Variants in RELCH observed in about 807,000 individuals in gnomAD.
RELCH encodes the protein RAB11 binding and LisH domain, coiled-coil and HEAT repeat containing.
RELCH carries 41 observed loss-of-function variants against 150.3 expected under a neutral mutation model. That is an observed-to-expected ratio of 0.27 (90% CI 0.21 to 0.35). The LOEUF (loss-of-function observed/expected upper bound fraction) is 0.35, where lower values mean the gene tolerates loss of function less well. Ranked by LOEUF, RELCH falls within the 10% of genes least tolerant of loss-of-function variation. The pLI, the probability that RELCH is intolerant of heterozygous loss-of-function variation, is 1.00. For missense variants in RELCH, 1,092 were observed against 1,467.8 expected (o/e 0.74, Z 4.18); for synonymous variants, 478 against 531.8 (o/e 0.90, Z 1.39).
intron 10 of RELCH, chr18:62,234,761 C>T (rs1403262988): frequency 6.6e-6 from 1 of 151,702 alleles, no homozygotes; most frequent in Non-Finnish European, 1.5e-5. Context: ...GTCCTTTGAC[C>T]ATTTTTAAAT....
chr18:62,279,680 CT>C, intron 22 of RELCH, 93 bp from the exon 23 acceptor site: 1 of 806,446 alleles, frequency 1.2e-6, no homozygotes, highest in Non-Finnish European at 2.0e-6. Flanking sequence ...TGTTTTCTCT[CT>C]TTCTCTTGGT....
intron 10 of RELCH, among the ~76,000 whole-genome samples, chr18:62,241,389 T>C (rs2148483261): frequency 6.6e-6 from 1 of 152,154 alleles, no homozygotes; most frequent in South Asian, 2.1e-4. Flanking sequence ...CCTTCAAGCC[T>C]GGGCAATATA....
At chr18:62,303,929 G>A (rs1298678028) in intron 28 of RELCH, among the ~76,000 whole-genome samples, 1 of 152,200 alleles carries the variant, frequency 6.6e-6, no homozygotes, top group Non-Finnish European at 1.5e-5. Flanking sequence ...TCACTGAGTT[G>A]TGAAGTATTA....
intron 1 of RELCH, among the ~76,000 whole-genome samples, chr18:62,192,001 C>T (rs779033619): frequency 5.9e-5 from 9 of 152,218 alleles, no homozygotes; most frequent in Non-Finnish European, 1.0e-4. Flanking sequence ...AACTAATTTA[C>T]AGTCCCAGCA....
chr18:62,252,642 C>T (rs777851016), intron 11 of RELCH, 22 bp from the exon 12 acceptor site: 67 of 1,597,914 alleles, frequency 4.2e-5, no homozygotes, highest in South Asian at 2.3e-4. Flanking sequence ...AAATACAAGC[C>T]GTTTTTTATA....
intron 11 of RELCH, chr18:62,245,953 GCAA>G (rs1314407611): frequency 1.3e-5 from 2 of 152,158 alleles, no homozygotes; most frequent in Non-Finnish European, 1.5e-5. Flanking sequence ...CTCTCCAAGT[GCAA>G]CAAGTTCCAG....
intron 23 of RELCH, 191 bp from the exon 24 acceptor site, chr18:62,280,455 G>A (rs1458389302): frequency 6.2e-7 from 1 of 1,609,324 alleles, no homozygotes; most frequent in South Asian, 1.1e-5. Context: ...GAGTTTCACA[G>A]ACTGCGACCT....
intron 1 of RELCH, among the ~76,000 whole-genome samples, chr18:62,205,049 A>G (rs2148268607): frequency 6.6e-6 from 1 of 152,354 alleles, no homozygotes; most frequent in South Asian, 2.1e-4. Context: ...ACCTAATTCC[A>G]GTTAACCATA....
chr18:62,257,028 C>T (rs1235008393), intron 13 of RELCH, among the ~76,000 whole-genome samples: 3 of 152,074 alleles, frequency 2.0e-5, no homozygotes, highest in African/African-American at 4.8e-5. Flanking sequence ...TCTCTCAAGC[C>T]TTGCTCTACA....
intron 1 of RELCH, among the ~76,000 whole-genome samples, chr18:62,189,644 T>G (rs1411870448): frequency 6.6e-6 from 1 of 152,244 alleles, no homozygotes; most frequent in African/African-American, 2.4e-5. Context: ...ATTCATTTAA[T>G]TTTAAAGAAT....
chr18:62,227,532 A>G (rs1000733269), intron 6 of RELCH, 40 bp downstream of exon 6: 2 of 1,573,372 alleles, frequency 1.3e-6, no homozygotes, highest in Non-Finnish European at 8.7e-7. Context: ...CACAGAAAGT[A>G]TTTAAACTAT....
chr18:62,271,201 CCCA>C (rs1282422987), intron 20 of RELCH, among the ~76,000 whole-genome samples: 1 of 152,168 alleles, frequency 6.6e-6, no homozygotes, highest in Non-Finnish European at 1.5e-5. Context: ...AGTTTACAGA[CCCA>C]CCAACAGTGT....
intron 1 of RELCH, among the ~76,000 whole-genome samples, chr18:62,208,497 G>A (rs2039955944): frequency 6.6e-6 from 1 of 152,040 alleles, no homozygotes; most frequent in Non-Finnish European, 1.5e-5. Context: ...ATTACCTCAT[G>A]GTTCTTTTTT....
At chr18:62,289,429 CATA>C (rs556493865) in intron 26 of RELCH, among the ~76,000 whole-genome samples, 5 of 152,158 alleles carry the variant, frequency 3.3e-5, no homozygotes, top group East Asian at 1.9e-4. Context: ...AACATTTTGG[CATA>C]ATAATAAGTC....
At chr18:62,280,782 C>A in intron 24 of RELCH, 73 bp downstream of exon 24, 2 of 991,134 alleles carry the variant, frequency 2.0e-6, no homozygotes, top group Non-Finnish European at 3.2e-6. Flanking sequence ...TGGTGGTAGG[C>A]TGCAGGGAGC....
intron 5 of RELCH, among the ~76,000 whole-genome samples, chr18:62,221,750 T>C (rs1007765196): frequency 7.9e-5 from 12 of 151,884 alleles, no homozygotes; most frequent in African/African-American, 1.7e-4. Context: ...AGTGACTATA[T>C]AGTCCACTCA....
Position 62,189,261 on chromosome 18 carries a change from T to G in RELCH, c.526+1230T>G, listed in dbSNP as rs570323738. On this transcript the variant is annotated intron_variant, in intron 1 of 28. Transcript: ENST00000644646. ...TGTGTGGTGGTGGGTCTTTTTTTGTTTTTTTTTTTTGTTGTTTTTTTTTTT... is the reference window on the plus strand; with the variant it reads ...TGTGTGGTGGTGGGTCTTTTTTTGTGTTTTTTTTTTGTTGTTTTTTTTTTT... Among the ~76,000 whole-genome samples the G allele has an allele frequency of 7.5e-3, 1,046 of 139,576 alleles. 15 individuals are homozygous for G. The highest frequency in any genetic ancestry group is 0.027 in the African/African-American group (1,002 of 37,538). 91.6% of individuals were successfully genotyped at this position (139,576 alleles called of 152,430 possible). A position where few individuals can be genotyped will look rare whatever the true frequency, so the allele number is the denominator to read the frequency against.
intron 27 of RELCH, among the ~76,000 whole-genome samples, chr18:62,293,218 TAGTC>T (rs1333974736): frequency 6.6e-6 from 1 of 152,220 alleles, no homozygotes; most frequent in Non-Finnish European, 1.5e-5. Flanking sequence ...CTGTTTGTAT[TAGTC>T]AGGGTTCTCC....
intron 24 of RELCH, among the ~76,000 whole-genome samples, chr18:62,281,245 A>G (rs1365271028): frequency 3.3e-5 from 5 of 152,240 alleles, no homozygotes; most frequent in South Asian, 4.1e-4. Flanking sequence ...CTTCTGGCCA[A>G]TCTACATAAA....
Sources: gnomAD v4.1 joint callset for allele counts (sites outside exome capture counted in the v4.1 genomes callset) on GRCh38, gnomAD v4.1.1 for gene constraint, MANE v1.5 for transcripts, NCBI Gene and HGNC (gene_info 2026-07-23, HGNC 2026-07-21) for gene names.